Variants in CPNE3 observed in about 807,000 individuals in gnomAD.
CPNE3 encodes copine 3.
A neutral mutation model predicts 63.9 loss-of-function variants in CPNE3; 68 were observed. The observed-to-expected ratio is 1.06, with a 90% CI of 0.87 to 1.30. The LOEUF is 1.30. Among genes scored for constraint, CPNE3 ranks in the 50% most tolerant of loss-of-function variants. The probability of loss-of-function intolerance (pLI) is 0.00; values close to 1 mark genes in which losing one functional copy is unlikely to be tolerated. For synonymous variants in CPNE3, 219 were observed against 197.5 expected (o/e 1.11, Z -0.91); for missense variants, 665 against 578.1 (o/e 1.15, Z -1.54).
intron 14 of CPNE3, among the ~76,000 whole-genome samples, chr8:86,554,535 C>G (rs1821268349): frequency 6.6e-6 from 1 of 152,138 alleles, no homozygotes; most frequent in Admixed American, 6.5e-5. Context: ...TCATGGTTTT[C>G]TATCAGAGCC....
chr8:86,531,052 C>T (rs72690455), intron 4 of CPNE3, 103 bp from the exon 5 acceptor site: 161,713 of 677,244 alleles, frequency 0.24, 20,874 homozygotes, highest in Non-Finnish European at 0.27. Context: ...TTTCTAATGA[C>T]TTTAAGTGAA....
chr8:86,547,862 T>G, intron 11 of CPNE3, 92 bp downstream of exon 11: 1 of 724,108 alleles, frequency 1.4e-6, no homozygotes, highest in Non-Finnish European at 2.4e-6. Context: ...GTAATGAAAT[T>G]TTCACAATCT....
chr8:86,520,853 A>G (rs1235262311), intron 2 of CPNE3, among the ~76,000 whole-genome samples: 1 of 151,934 alleles, frequency 6.6e-6, no homozygotes, highest in Non-Finnish European at 1.5e-5. Context: ...GGGTTTTGCC[A>G]TGTTGACCAG....
intron 6 of CPNE3, 74 bp from the exon 7 acceptor site, chr8:86,537,489 G>T: frequency 1.1e-6 from 1 of 906,592 alleles, no homozygotes; most frequent in South Asian, 1.3e-5. Context: ...GCCAACATGT[G>T]TAAAGTATGG....
intron 8 of CPNE3, among the ~76,000 whole-genome samples, chr8:86,541,252 C>CTTAT (rs1438499562): frequency 6.6e-6 from 1 of 152,166 alleles, no homozygotes; most frequent in Non-Finnish European, 1.5e-5. Context: ...TTCACATTTA[C>CTTAT]TTATTTATTT....
chr8:86,518,409 G>A (rs1425870778), intron 2 of CPNE3, among the ~76,000 whole-genome samples: 1 of 152,184 alleles, frequency 6.6e-6, no homozygotes, highest in African/African-American at 2.4e-5. Context: ...CCTGCCTGCT[G>A]CACAGCTGGC....
chr8:86,521,013 G>A (rs1820425242), intron 2 of CPNE3, among the ~76,000 whole-genome samples: 1 of 151,984 alleles, frequency 6.6e-6, no homozygotes, highest in Non-Finnish European at 1.5e-5. Context: ...CTGGTATCCT[G>A]TGGTAGTGAT....
At chr8:86,535,024 G>A (rs568873455) in intron 6 of CPNE3, among the ~76,000 whole-genome samples, 3 of 152,110 alleles carry the variant, frequency 2.0e-5, no homozygotes, top group Non-Finnish European at 4.4e-5. Flanking sequence ...ATTCCTTTAA[G>A]CTTGTTTGTG....
intron 7 of CPNE3, among the ~76,000 whole-genome samples, chr8:86,539,834 T>C (rs1449371562): frequency 6.6e-6 from 1 of 151,916 alleles, no homozygotes; most frequent in Non-Finnish European, 1.5e-5. Flanking sequence ...AGCTAATTTT[T>C]GTATTTTTTT....
intron 8 of CPNE3, among the ~76,000 whole-genome samples, chr8:86,544,377 A>C (rs189891208): frequency 3.3e-5 from 5 of 152,306 alleles, no homozygotes; most frequent in Admixed American, 3.3e-4. Context: ...ATTGCATAGT[A>C]ATAAGGCAAA....
chr8:86,527,946 ATTTTTT>A (rs869225401), intron 2 of CPNE3, among the ~76,000 whole-genome samples: 69 of 85,930 alleles, frequency 8.0e-4, no homozygotes, highest in African/African-American at 3.6e-3. Flanking sequence ...GTAAAAAGAA[ATTTTTT>A]TTTTTTTTTT....
At chr8:86,556,040 G>A in intron 15 of CPNE3, 62 bp from the exon 16 acceptor site, 1 of 823,314 alleles carries the variant, frequency 1.2e-6, no homozygotes, top group Non-Finnish European at 2.2e-6. Flanking sequence ...GACTCATCAA[G>A]CCAGAGATGC....
chr8:86,522,167 A>G (rs961178252), intron 2 of CPNE3, among the ~76,000 whole-genome samples: 3 of 152,172 alleles, frequency 2.0e-5, no homozygotes, highest in African/African-American at 7.2e-5. Flanking sequence ...AAAAGTAGAA[A>G]TCTCTGGGGA....
chr8:86,533,129 C>T (rs1278677504), intron 6 of CPNE3, among the ~76,000 whole-genome samples: 1 of 152,050 alleles, frequency 6.6e-6, no homozygotes. Context: ...TGGGCTCAAG[C>T]AATCCTCCCA....
intron 7 of CPNE3, among the ~76,000 whole-genome samples, chr8:86,538,880 C>T (rs568858330): frequency 6.6e-6 from 1 of 152,148 alleles, no homozygotes; most frequent in African/African-American, 2.4e-5. Flanking sequence ...TCATTTTTCC[C>T]CTTTTTAATT....
intron 6 of CPNE3, among the ~76,000 whole-genome samples, 156 bp downstream of exon 6, chr8:86,532,736 T>G (rs1820709843): frequency 2.0e-5 from 3 of 152,204 alleles, no homozygotes; most frequent in African/African-American, 4.8e-5. Flanking sequence ...GTTGTATGTT[T>G]AAGCAGAACC....
At chr8:86,540,405 AT>A in intron 8 of CPNE3, 71 bp downstream of exon 8, 2 of 682,022 alleles carry the variant, frequency 2.9e-6, no homozygotes, top group Non-Finnish European at 4.4e-6. Flanking sequence ...AAATTAATAC[AT>A]AAGATAGTAT....
chr8:86,551,708 G>A (rs1003607596), intron 14 of CPNE3, among the ~76,000 whole-genome samples: 3 of 152,166 alleles, frequency 2.0e-5, no homozygotes, highest in Admixed American at 2.0e-4. Context: ...TGCTCACACA[G>A]TATTCTATAA....
chr8:86,549,189 A>G (rs1351917318), intron 12 of CPNE3, among the ~76,000 whole-genome samples: 1 of 152,170 alleles, frequency 6.6e-6, no homozygotes, highest in Non-Finnish European at 1.5e-5. Context: ...ATTAATCTGT[A>G]GCATTTAAAG....
Sources: allele counts gnomAD v4.1 joint callset (sites outside exome capture counted in the v4.1 genomes callset), GRCh38; gene constraint gnomAD v4.1.1; transcripts MANE v1.5; gene names NCBI Gene and HGNC (gene_info 2026-07-23, HGNC 2026-07-21).